Variants in DPF3 observed in about 807,000 individuals in gnomAD.
DPF3 encodes double PHD fingers 3.
A neutral mutation model predicts 56.8 loss-of-function variants in DPF3; 18 were observed. The ratio of observed to expected loss-of-function variants is 0.32; its 90% CI spans 0.22 to 0.47. DPF3 has a LOEUF of 0.47. Ranked by LOEUF, DPF3 falls within the 20% of genes least tolerant of loss-of-function variation. DPF3 has a pLI of 1.00. For missense variants in DPF3, 403 were observed against 488.8 expected (o/e 0.82, Z 1.65); for synonymous variants, 188 against 180.2 (o/e 1.04, Z -0.35).
intron 8 of DPF3, chr14:72,662,492 A>T (rs1886258493): frequency 1.0e-6 from 1 of 984,794 alleles, no homozygotes; most frequent in Non-Finnish European, 1.2e-6. Flanking sequence ...GTTTGTGTTC[A>T]GTTATTTCTA....
intron 1 of DPF3, among the ~76,000 whole-genome samples, chr14:72,823,970 G>A (rs1410007643): frequency 6.6e-6 from 1 of 152,122 alleles, no homozygotes; most frequent in East Asian, 1.9e-4. Context: ...AGGAATGGAT[G>A]GAAGGCTTTC....
At chr14:72,623,135 C>A (rs1447168055) in intron 9 of DPF3, among the ~76,000 whole-genome samples, 2 of 152,056 alleles carry the variant, frequency 1.3e-5, no homozygotes, top group Non-Finnish European at 2.9e-5. Flanking sequence ...TACATTTAAA[C>A]AAAATGGAAA....
At chr14:72,775,985 C>CAA (rs772302551) in intron 1 of DPF3, among the ~76,000 whole-genome samples, 14 of 101,886 alleles carry the variant, frequency 1.4e-4, no homozygotes, top group South Asian at 9.4e-4. Flanking sequence ...GTATTTCTGC[C>CAA]AAAAAAAAAA....
At chr14:72,855,026 C>T (rs1252754850) in intron 1 of DPF3, among the ~76,000 whole-genome samples, 1 of 152,134 alleles carries the variant, frequency 6.6e-6, no homozygotes, top group Non-Finnish European at 1.5e-5. Flanking sequence ...CCCGGATGAT[C>T]AGAGCCCAGA....
intron 6 of DPF3, among the ~76,000 whole-genome samples, chr14:72,705,562 C>A (rs1189192343): frequency 6.6e-6 from 1 of 152,158 alleles, no homozygotes; most frequent in Non-Finnish European, 1.5e-5. Context: ...AACTTGGGTA[C>A]TGTGGCTCTA....
intron 3 of DPF3, among the ~76,000 whole-genome samples, chr14:72,736,931 T>A (rs977691619): frequency 3.3e-5 from 5 of 151,364 alleles, no homozygotes; most frequent in Non-Finnish European, 4.4e-5. Flanking sequence ...AACCCATGGA[T>A]CGTTACTCTC....
At chr14:72,730,535 G>C (rs540043064) in intron 4 of DPF3, among the ~76,000 whole-genome samples, 95 of 152,168 alleles carry the variant, frequency 6.2e-4, no homozygotes, top group African/African-American at 2.1e-3. Flanking sequence ...AAGGCCCCGG[G>C]GACACTGGTG....
At chr14:72,753,916 C>T (rs1290489772) in intron 2 of DPF3, among the ~76,000 whole-genome samples, 1 of 152,114 alleles carries the variant, frequency 6.6e-6, no homozygotes, top group Non-Finnish European at 1.5e-5. Context: ...GCTTGTGTAG[C>T]CCCCATGAGA....
chr14:72,775,317 A>G (rs1033713213), intron 1 of DPF3, among the ~76,000 whole-genome samples: 1 of 148,950 alleles, frequency 6.7e-6, no homozygotes, highest in Non-Finnish European at 1.5e-5. Context: ...AAACCAATAC[A>G]AAAGAAATCT....
chr14:72,721,056 TC>T (rs1227616879), intron 5 of DPF3, among the ~76,000 whole-genome samples: 1 of 152,170 alleles, frequency 6.6e-6, no homozygotes, highest in Non-Finnish European at 1.5e-5. Context: ...ACAGCACATT[TC>T]CATTAGGACT....
At chr14:72,877,113 G>C (rs569945341) in intron 1 of DPF3, among the ~76,000 whole-genome samples, 4 of 152,342 alleles carry the variant, frequency 2.6e-5, no homozygotes, top group Non-Finnish European at 5.9e-5. Context: ...GGAAACCTAG[G>C]CTGGAGGTGC....
chr14:72,633,033 G>T (rs778132951), intron 8 of DPF3, among the ~76,000 whole-genome samples: 73 of 152,320 alleles, frequency 4.8e-4, no homozygotes, highest in South Asian at 1.0e-3. Flanking sequence ...GTGGAAATTT[G>T]AGAAATGTTA....
At chr14:72,880,940 A>G (rs1335495584) in intron 1 of DPF3, among the ~76,000 whole-genome samples, 1 of 152,250 alleles carries the variant, frequency 6.6e-6, no homozygotes, top group South Asian at 2.1e-4. Context: ...CCAGTGGAGA[A>G]GGCAGCCTCC....
chr14:72,863,004 A>G (rs1021846074), intron 1 of DPF3, among the ~76,000 whole-genome samples: 2 of 150,956 alleles, frequency 1.3e-5, no homozygotes, highest in Non-Finnish European at 1.5e-5. Context: ...ATATTTTTAT[A>G]TCCCCATTAG....
chr14:72,644,039 A>C (rs1464991022), intron 8 of DPF3, among the ~76,000 whole-genome samples: 1 of 152,120 alleles, frequency 6.6e-6, no homozygotes, highest in Non-Finnish European at 1.5e-5. Context: ...CAGTGGCAGG[A>C]GAATGGAAAA....
At chr14:72,744,257 G>A (rs993255463) in intron 3 of DPF3, among the ~76,000 whole-genome samples, 1 of 152,114 alleles carries the variant, frequency 6.6e-6, no homozygotes. Flanking sequence ...CAAATGACTC[G>A]ATGTCAGCCA....
intron 8 of DPF3, among the ~76,000 whole-genome samples, chr14:72,672,896 G>T (rs1267373283): frequency 6.6e-6 from 1 of 152,038 alleles, no homozygotes; most frequent in Non-Finnish European, 1.5e-5. Context: ...AAAAAACACT[G>T]CATTGAATTT....
intron 5 of DPF3, among the ~76,000 whole-genome samples, chr14:72,723,072 C>T (rs1889250405): frequency 6.6e-6 from 1 of 151,776 alleles, no homozygotes; most frequent in Non-Finnish European, 1.5e-5. Context: ...TTTTAGGGTA[C>T]ATGTGCACAA....
intron 3 of DPF3, among the ~76,000 whole-genome samples, chr14:72,740,332 G>A (rs1001010200): frequency 6.9e-6 from 1 of 145,048 alleles, no homozygotes; most frequent in African/African-American, 2.9e-5. Context: ...GAATCACTCT[G>A]AGAATAAGTG....
Sources: allele counts gnomAD v4.1 joint callset (sites outside exome capture counted in the v4.1 genomes callset), GRCh38; gene constraint gnomAD v4.1.1; transcripts MANE v1.5; gene names NCBI Gene and HGNC (gene_info 2026-07-23, HGNC 2026-07-21).